DYNC2H1: variants seen among roughly 807,000 people sequenced by gnomAD.
DYNC2H1 encodes cytoplasmic dynein 2 heavy chain 1.
DYNC2H1 carries 410 observed loss-of-function variants against 570.0 expected under a neutral mutation model. That is an observed-to-expected ratio of 0.72 (90% CI 0.66 to 0.78). The LOEUF is 0.78. DYNC2H1 is among the 30% of genes least tolerant of loss of function. The pLI, the probability that DYNC2H1 is intolerant of heterozygous loss-of-function variation, is 0.00. For synonymous variants in DYNC2H1, 1,688 were observed against 1,677.6 expected, an observed-to-expected ratio of 1.01 and a Z score of -0.15; for missense variants, 4,865 against 5,046.4, an observed-to-expected ratio of 0.96 and a Z score of 1.09.
intron 75 of DYNC2H1, among the ~76,000 whole-genome samples, chr11:103,297,865 C>T (rs985378567): frequency 6.6e-6 from 1 of 152,068 alleles, no homozygotes; most frequent in South Asian, 2.1e-4. Flanking sequence ...TACTGCCATA[C>T]CTTTTATTTG....
chr11:103,426,714 T>A (rs1206358511), intron 84 of DYNC2H1, among the ~76,000 whole-genome samples: 3 of 152,178 alleles, frequency 2.0e-5, no homozygotes, highest in African/African-American at 7.2e-5. Context: ...CTGGCTAATT[T>A]AGTATCAAAA....
intron 47 of DYNC2H1, among the ~76,000 whole-genome samples, chr11:103,193,272 T>C (rs1862390205): frequency 6.6e-6 from 1 of 152,192 alleles, no homozygotes; most frequent in South Asian, 2.1e-4. Context: ...CATTATGACC[T>C]GTAGCTTGCA....
intron 50 of DYNC2H1, among the ~76,000 whole-genome samples, chr11:103,200,606 G>A (rs1454989501): frequency 6.6e-6 from 1 of 152,132 alleles, no homozygotes; most frequent in Non-Finnish European, 1.5e-5. Flanking sequence ...CCTATCAGTA[G>A]TGGCATGGTT....
chr11:103,393,305 A>G (rs1942252115), intron 83 of DYNC2H1, among the ~76,000 whole-genome samples: 1 of 152,202 alleles, frequency 6.6e-6, no homozygotes, highest in African/African-American at 2.4e-5. Context: ...AGGCCTCTTA[A>G]TGTGAGATTG....
At chr11:103,166,526 T>A in intron 31 of DYNC2H1, among the ~76,000 whole-genome samples, 1 of 152,172 alleles carries the variant, frequency 6.6e-6, no homozygotes, top group Non-Finnish European at 1.5e-5. Context: ...GTCCTAACTC[T>A]GAATTCACAT....
At chr11:103,321,339 T>A (rs1278730469) in intron 81 of DYNC2H1, 102 bp downstream of exon 81, 10 of 1,122,354 alleles carry the variant, frequency 8.9e-6, no homozygotes, top group Non-Finnish European at 1.3e-5. Context: ...CACAAGTAAT[T>A]ATTCACAGTT....
intron 85 of DYNC2H1, among the ~76,000 whole-genome samples, chr11:103,440,957 T>C (rs997549028): frequency 6.6e-6 from 1 of 152,160 alleles, no homozygotes; most frequent in African/African-American, 2.4e-5. Context: ...CCCATTCTTA[T>C]TGGTTCTCAA....
At chr11:103,396,229 A>G (rs1258478087) in intron 83 of DYNC2H1, among the ~76,000 whole-genome samples, 1 of 152,210 alleles carries the variant, frequency 6.6e-6, no homozygotes, top group Non-Finnish European at 1.5e-5. Flanking sequence ...CTCTATATCA[A>G]TCCCCATAAC....
At chr11:103,212,471 G>C (rs1370698606) in intron 54 of DYNC2H1, among the ~76,000 whole-genome samples, 2 of 151,724 alleles carry the variant, frequency 1.3e-5, no homozygotes, top group Non-Finnish European at 2.9e-5. Flanking sequence ...AAAGAAAAAA[G>C]AAAACCCTGT....
intron 75 of DYNC2H1, among the ~76,000 whole-genome samples, chr11:103,298,649 G>A (rs2135386260): frequency 6.6e-6 from 1 of 152,214 alleles, no homozygotes; most frequent in South Asian, 2.1e-4. Flanking sequence ...TTGTTTTAAT[G>A]TAAAATTGGA....
rs34503483 is a variant in DYNC2H1, at chr11:103,334,492, GT to G, written c.12039+10510del. On this transcript the variant is annotated intron_variant, in intron 82 of 88. Transcript: ENST00000375735. This position sits in a 1 kb window ranked among gnomAD's most constrained non-coding sequence, Gnocchi z 4.3. ...CATTCTAACAATTCCATGTAATGAA[GT>G]TTTTTTTAATTACAAAAACCATTTT... is the stretch of plus-strand genomic sequence containing the variant. Among the ~76,000 whole-genome samples the G allele has an allele frequency of 2.6e-5, 4 of 151,854 alleles. No homozygotes were observed. The highest frequency in any genetic ancestry group is 6.5e-5 in the Admixed American group (1 of 15,270).
chr11:103,198,158 A>G, intron 48 of DYNC2H1, 95 bp downstream of exon 48: 2 of 1,349,478 alleles, frequency 1.5e-6, no homozygotes, highest in East Asian at 5.0e-5. Context: ...AATATGATAG[A>G]TTGTAGAATA....
chr11:103,179,931 G>A (rs1273015072), intron 39 of DYNC2H1, among the ~76,000 whole-genome samples: 1 of 151,422 alleles, frequency 6.6e-6, no homozygotes, highest in Non-Finnish European at 1.5e-5. Flanking sequence ...TCATACTGTA[G>A]CATTTTATTT....
chr11:103,379,003 C>T (rs752737355), intron 83 of DYNC2H1, among the ~76,000 whole-genome samples: 6 of 152,100 alleles, frequency 3.9e-5, no homozygotes, highest in African/African-American at 1.4e-4. Context: ...CCAACCTTTC[C>T]ACCTATTCCT....
rs1022457987 is a variant in DYNC2H1, at chr11:103,305,789, C to T, written c.11382+1069C>T. ...GACCATGGTGATTCGTGATTCATTA[C>T]TTGTAATCAAGAGAAGATACAGATT... is the stretch of plus-strand genomic sequence containing the variant. On this transcript the variant is annotated intron_variant, in intron 77 of 88. Coordinates refer to ENST00000375735, the MANE Select transcript of DYNC2H1 (RefSeq NM_001377.3). This position sits in a 1 kb window ranked among gnomAD's most constrained non-coding sequence, Gnocchi z 4.3. 9.2e-5 allele frequency among the ~76,000 whole-genome samples: 14 copies of T among 152,114 alleles called. No individual in the cohort carries two copies. Among genetic ancestry groups the T allele is most frequent in the African/African-American group, 3.4e-4 (14 of 41,414 alleles).
At chr11:103,173,532 T>C (rs774161836) in intron 35 of DYNC2H1, among the ~76,000 whole-genome samples, 4 of 152,112 alleles carry the variant, frequency 2.6e-5, no homozygotes, top group Non-Finnish European at 4.4e-5. Context: ...CAGTTTTTTT[T>C]CTTCAAAATG....
In DYNC2H1 at chr11:103,370,699, C is replaced by G. The variant is rs151077412; in HGVS notation, c.12156+12340C>G. 2.6e-3 allele frequency among the ~76,000 whole-genome samples: 398 copies of G among 152,254 alleles called. 4 individuals carry two copies. The highest frequency in any genetic ancestry group is 8.8e-3 in the African/African-American group (366 of 41,540). On this transcript the variant is annotated intron_variant, in intron 83 of 88. Coordinates refer to ENST00000375735, the MANE Select transcript of DYNC2H1 (RefSeq NM_001377.3). ...CTGCCTGATAATCCAGAAAATTCTT[C>G]CAGATCTAGTCCAAGACCATCAAGG...
intron 83 of DYNC2H1, among the ~76,000 whole-genome samples, chr11:103,376,248 C>T (rs1681276408): frequency 6.6e-6 from 1 of 152,204 alleles, no homozygotes; most frequent in African/African-American, 2.4e-5. Context: ...GTAAATTACC[C>T]AGTCTCAGGT....
At chr11:103,172,231 C>CT (rs1443237922) in intron 34 of DYNC2H1, among the ~76,000 whole-genome samples, 1 of 151,878 alleles carries the variant, frequency 6.6e-6, no homozygotes, top group African/African-American at 2.4e-5. Context: ...TCTACATTCA[C>CT]TTTTTTTTCT....
Sources: allele counts gnomAD v4.1 joint callset (sites outside exome capture counted in the v4.1 genomes callset), GRCh38; gene constraint gnomAD v4.1.1; non-coding constraint Gnocchi (gnomAD v3.1); transcripts MANE v1.5; gene names NCBI Gene and HGNC (gene_info 2026-07-23, HGNC 2026-07-21).